The following TCF12 variants were observed in gnomAD, a reference collection of about 807,000 sequenced individuals.
TCF12 encodes the protein transcription factor 12.
TCF12 carries 45 observed loss-of-function variants against 86.0 expected under a neutral mutation model. That is an observed-to-expected ratio of 0.52 (90% CI 0.41 to 0.67). TCF12 has a LOEUF of 0.67. Ranked by LOEUF, TCF12 falls within the 30% of genes least tolerant of loss-of-function variation. The probability of loss-of-function intolerance (pLI) is 0.00; values close to 1 mark genes in which losing one functional copy is unlikely to be tolerated. For synonymous variants in TCF12, 330 were observed against 299.6 expected (o/e 1.10, Z -1.05); for missense variants, 881 against 859.9 (o/e 1.02, Z -0.31).
At chr15:57,180,618 G>T (rs1275339651) in intron 6 of TCF12, among the ~76,000 whole-genome samples, 1 of 150,850 alleles carries the variant, frequency 6.6e-6, no homozygotes, top group African/African-American at 2.4e-5. Flanking sequence ...CACTTCAGGG[G>T]TGTAAGATAG....
intron 3 of TCF12, among the ~76,000 whole-genome samples, chr15:56,927,739 TTAAAAC>T (rs1174454976): frequency 6.6e-6 from 1 of 152,170 alleles, no homozygotes; most frequent in Non-Finnish European, 1.5e-5. Context: ...AAGTTAATAA[TTAAAAC>T]TAATGAATTC....
In TCF12 at chr15:56,977,289, T is replaced by C. The variant is rs192075870; in HGVS notation, c.148+56191T>C. On this transcript the variant is annotated intron_variant, in intron 3 of 20. Transcript: ENST00000333725. ...GGCTTATGCCTGTAATCCTAGCACT[T>C]TGGGAGGCCGAGGTGGGCGGATTGC... 8.3e-4 allele frequency among the ~76,000 whole-genome samples: 127 copies of C among 152,116 alleles called. 4 individuals are homozygous for C. The East Asian group carries it at 0.021, about 25-fold the overall frequency.
At chr15:57,039,444 A>G (rs756518074) in intron 3 of TCF12, among the ~76,000 whole-genome samples, 1 of 152,112 alleles carries the variant, frequency 6.6e-6, no homozygotes, top group South Asian at 2.1e-4. Context: ...TTGGTTTCCC[A>G]TTCAGGCTAT....
At chr15:56,979,392 T>G (rs2062776649) in intron 3 of TCF12, among the ~76,000 whole-genome samples, 1 of 152,244 alleles carries the variant, frequency 6.6e-6, no homozygotes, top group South Asian at 2.1e-4. Flanking sequence ...TATTTTTATT[T>G]AATTTAGTCT....
intron 5 of TCF12, chr15:57,129,698 G>T (rs2051956521): frequency 6.6e-6 from 1 of 152,170 alleles, no homozygotes; most frequent in Non-Finnish European, 1.5e-5. Flanking sequence ...GTAATAAAAA[G>T]ATGTATCTAA....
chr15:57,068,338 T>A (rs28718703), intron 4 of TCF12, among the ~76,000 whole-genome samples: 1,979 of 152,298 alleles, frequency 0.013, 52 homozygotes, highest in African/African-American at 0.041. Flanking sequence ...ACCCATTAGA[T>A]CTATATTTAA....
intron 3 of TCF12, among the ~76,000 whole-genome samples, chr15:57,055,357 C>T (rs547610793): frequency 1.4e-4 from 22 of 152,048 alleles, no homozygotes; most frequent in African/African-American, 3.9e-4. Flanking sequence ...GCTCAGATCG[C>T]GCCACTGCAC....
intron 3 of TCF12, among the ~76,000 whole-genome samples, chr15:56,927,873 A>G (rs2060084678): frequency 6.6e-6 from 1 of 152,214 alleles, no homozygotes; most frequent in Admixed American, 6.5e-5. Context: ...ATAATACAAA[A>G]TTTTATTAGT....
At chr15:56,934,392 C>T (rs1028895441) in intron 3 of TCF12, among the ~76,000 whole-genome samples, 6 of 152,186 alleles carry the variant, frequency 3.9e-5, no homozygotes, top group East Asian at 3.9e-4. Context: ...GAGGAGGAGA[C>T]GATACAAAGA....
chr15:56,925,919 G>C (rs1009017066), intron 3 of TCF12, among the ~76,000 whole-genome samples: 4 of 152,206 alleles, frequency 2.6e-5, no homozygotes, highest in African/African-American at 7.2e-5. Flanking sequence ...TGTGCCATAA[G>C]TATCTCATTT....
At chr15:57,020,944 T>G (rs941067287) in intron 3 of TCF12, among the ~76,000 whole-genome samples, 1 of 152,186 alleles carries the variant, frequency 6.6e-6, no homozygotes, top group Admixed American at 6.5e-5. Context: ...TAATTTTTTA[T>G]TATATGAGAT....
intron 20 of TCF12, among the ~76,000 whole-genome samples, chr15:57,283,540 C>G (rs1169077763): frequency 6.6e-6 from 1 of 152,246 alleles, no homozygotes; most frequent in Non-Finnish European, 1.5e-5. Flanking sequence ...GCTAGGATTA[C>G]AGGCATGAGC....
chr15:57,016,960 C>T (rs1245146415), intron 3 of TCF12, among the ~76,000 whole-genome samples: 3 of 152,152 alleles, frequency 2.0e-5, no homozygotes, highest in Non-Finnish European at 4.4e-5. Context: ...ATGCAGACAT[C>T]CATTTGGGCT....
At chr15:57,216,909 G>C (rs779298944) in intron 8 of TCF12, among the ~76,000 whole-genome samples, 2 of 152,012 alleles carry the variant, frequency 1.3e-5, no homozygotes, top group Non-Finnish European at 2.9e-5. Context: ...ATTTTATGTA[G>C]ATTACCACCA....
At chr15:57,272,541 C>T (rs2061191304) in intron 18 of TCF12, among the ~76,000 whole-genome samples, 1 of 152,192 alleles carries the variant, frequency 6.6e-6, no homozygotes, top group Non-Finnish European at 1.5e-5. Context: ...ATTATACATT[C>T]ATGTACTAGG....
At chr15:57,271,448 C>T (rs919940612) in intron 18 of TCF12, among the ~76,000 whole-genome samples, 6 of 152,192 alleles carry the variant, frequency 3.9e-5, no homozygotes, top group Admixed American at 6.5e-5. Flanking sequence ...GTGGGAAAAG[C>T]GCAGTATTTG....
chr15:57,035,148 C>A (rs139333865), intron 3 of TCF12, among the ~76,000 whole-genome samples: 57 of 152,182 alleles, frequency 3.7e-4, no homozygotes, highest in African/African-American at 1.3e-3. Context: ...CCTTAATTAC[C>A]AGATGAAGAA....
At chr15:57,073,656 G>T (rs2069610123) in intron 4 of TCF12, among the ~76,000 whole-genome samples, 1 of 152,184 alleles carries the variant, frequency 6.6e-6, no homozygotes, top group African/African-American at 2.4e-5. Flanking sequence ...CCTTTTTACT[G>T]TGTTGCATTT....
At chr15:57,185,173 C>G (rs1208291394) in intron 6 of TCF12, among the ~76,000 whole-genome samples, 7 of 152,136 alleles carry the variant, frequency 4.6e-5, no homozygotes, top group African/African-American at 1.7e-4. Flanking sequence ...TCAGCTTTAT[C>G]TAAAGAAAAG....
Sources: allele counts gnomAD v4.1 joint callset (sites outside exome capture counted in the v4.1 genomes callset), GRCh38; gene constraint gnomAD v4.1.1; transcripts MANE v1.5; gene names NCBI Gene and HGNC (gene_info 2026-07-23, HGNC 2026-07-21).